NPNT: variants seen among roughly 807,000 people sequenced by gnomAD.
The protein encoded by NPNT is nephronectin.
Under a neutral mutation model 68.6 loss-of-function variants are expected in NPNT, and 45 were observed. The ratio of observed to expected loss-of-function variants is 0.66; its 90% CI spans 0.52 to 0.84. NPNT has a LOEUF of 0.84. NPNT is among the 40% of genes least tolerant of loss of function. The pLI is 0.00. For synonymous variants in NPNT, 233 were observed against 253.3 expected (o/e 0.92, Z 0.76); for missense variants, 672 against 714.8 (o/e 0.94, Z 0.68).
chr4:105,932,777 A>G lies in NPNT; in HGVS notation c.266-4232A>G, dbSNP rs141481236. 433 of 1,069,130 alleles carry G rather than the reference A, an allele frequency of 4.1e-4. 1 individual carries two copies. In the African/African-American group the frequency reaches 5.5e-3, roughly 14 times the overall value. 66.2% of individuals were successfully genotyped at this position (1,069,130 alleles called of 1,614,324 possible). On this transcript the variant is annotated intron_variant, in intron 3 of 11. Transcript: ENST00000379987. ...TCCTGCAGTTATGTCACTTCTTGCA[A>G]ATGTTCTGAAGACTAGCCCAGGAGT...
At chr4:105,946,876 T>C (rs1730430045) in intron 8 of NPNT, among the ~76,000 whole-genome samples, 1 of 152,152 alleles carries the variant, frequency 6.6e-6, no homozygotes, top group South Asian at 2.1e-4. Context: ...GAAAACAGGT[T>C]CGAGAGCAGA....
Position 105,970,731 on chromosome 4 carries a change from A to AC in NPNT, c.*1744dup, listed in dbSNP as rs1732505663. 4.9e-6 allele frequency: 2 copies of AC among 404,154 alleles called. No homozygotes were observed. 25.0% of individuals were successfully genotyped at this position (404,154 alleles called of 1,614,324 possible). A position where few individuals can be genotyped will look rare whatever the true frequency, so the allele number is the denominator to read the frequency against. ...ATTTAAGATGGTTAAAGATGTTCTT[A>AC]CCCAAGGAAAAGTAACAAATTATAG... On this transcript the variant is annotated 3_prime_UTR_variant, in exon 12 of 12. Coordinates refer to ENST00000379987, the MANE Select transcript of NPNT (RefSeq NM_001033047.3).
rs374390793 is a variant in NPNT at position 105,915,736 on chromosome 4, C to T, written c.173-11600C>T. Among the ~76,000 whole-genome samples the T allele has an allele frequency of 2.9e-4, 44 of 152,228 alleles. 2 individuals are homozygous for T. The East Asian group carries it at 4.1e-3, about 14-fold the overall frequency. On this transcript the variant is annotated intron_variant, in intron 2 of 11. Coordinates refer to ENST00000379987, the MANE Select transcript of NPNT (RefSeq NM_001033047.3). ...AATTTTGGATATGTTCAGTTTGAAG[C>T]GCTTGTGAGACTTTGAAGTAGAGAA...
At position 105,942,470 on chromosome 4, in the gene NPNT, G is replaced by C. The variant is rs1467938999; in HGVS notation, c.927G>C (p.Arg309Ser). Reference protein sequence around the residue: ...TPYIPPIITNRPTSKPTTRPT... With the variant: ...TPYIPPIITNSPTSKPTTRPT... ...ATATTCCTCCTATCATTACCAACAG[G>C]CCTACTTCTAAGCCAACAACAAGAC... The change falls in exon 8 of 12, where the codon AGG becomes AGC. Residue 309 changes from arginine to serine, a missense_variant. Arg to Ser is a moderately radical substitution (Grantham distance 110, BLOSUM62 -1). Transcript: ENST00000379987. 2 of 1,612,692 alleles carry C rather than the reference G, an allele frequency of 1.2e-6. No individual in the cohort carries two copies. Among genetic ancestry groups the C allele is most frequent in the African/African-American group, 2.7e-5 (2 of 74,458 alleles).
chr4:105,905,396 C>G (rs1726807374), intron 2 of NPNT, among the ~76,000 whole-genome samples: 1 of 152,186 alleles, frequency 6.6e-6, no homozygotes. Flanking sequence ...TTCCTGTTTT[C>G]CTGACACCTA....
intron 2 of NPNT, among the ~76,000 whole-genome samples, chr4:105,910,261 G>T (rs28477749): frequency 1.0e-3 from 158 of 152,234 alleles, no homozygotes; most frequent in African/African-American, 3.8e-3. Flanking sequence ...TTCCAACCAC[G>T]TATAGTAAAG....
At chr4:105,932,797 A>T in intron 3 of NPNT, 1 of 834,972 alleles carries the variant, frequency 1.2e-6, no homozygotes, top group Non-Finnish European at 1.9e-6. Flanking sequence ...AGACTAGCCC[A>T]GGAGTGTCCA....
At position 105,967,444 on chromosome 4, in the gene NPNT, C is replaced by T. The variant is rs140949446; in HGVS notation, c.1602C>T (p.Ser534=). The T allele has an allele frequency of 3.6e-3, 5,553 of 1,560,614 alleles. 10 individuals carry two copies. Among genetic ancestry groups the T allele is most frequent in the Non-Finnish European group, 4.3e-3 (5,001 of 1,156,718 alleles). ...QITLRGADIK[S]VVFKGEKRRG... Reference sequence around the variant, plus strand: ...CCTTGCGAGGGGCTGACATCAAGAGCGTAAGTAGATCCACAAAGGAGGCAG... The same window carrying T: ...CCTTGCGAGGGGCTGACATCAAGAGTGTAAGTAGATCCACAAAGGAGGCAG... The change falls in exon 11 of 12, where the codon AGC becomes AGT. Residue 534 remains serine (S), a splice_region_variant and synonymous_variant. Coordinates refer to ENST00000379987, the MANE Select transcript of NPNT (RefSeq NM_001033047.3).
chr4:105,908,992 A>G (rs1438041174), intron 2 of NPNT, among the ~76,000 whole-genome samples: 1 of 152,144 alleles, frequency 6.6e-6, no homozygotes, highest in Admixed American at 6.5e-5. Context: ...TAAACTTCCC[A>G]CCAAAATATT....
intron 3 of NPNT, among the ~76,000 whole-genome samples, chr4:105,927,856 G>A (rs189137750): frequency 2.7e-3 from 416 of 152,078 alleles, no homozygotes; most frequent in Non-Finnish European, 4.3e-3. Flanking sequence ...CCTTCGATTC[G>A]TGATTAAATC....
intron 3 of NPNT, among the ~76,000 whole-genome samples, chr4:105,936,219 A>G (rs572797475): frequency 6.6e-6 from 1 of 152,218 alleles, no homozygotes; most frequent in African/African-American, 2.4e-5. Context: ...TTTGTCCATT[A>G]GTGTTTCCAT....
intron 8 of NPNT, among the ~76,000 whole-genome samples, chr4:105,952,279 G>T (rs1730895112): frequency 6.6e-6 from 1 of 152,108 alleles, no homozygotes; most frequent in Admixed American, 6.6e-5. Flanking sequence ...TGAGCTGTTA[G>T]GTGCACAGAG....
intron 8 of NPNT, 57 bp from the exon 9 acceptor site, chr4:105,958,414 C>G (rs1731406374): frequency 2.0e-6 from 2 of 1,012,596 alleles, no homozygotes; most frequent in Non-Finnish European, 3.1e-6. Flanking sequence ...GGTAATGCCT[C>G]TTTATCAATA....
chr4:105,915,864 G>C (rs977002145), intron 2 of NPNT, among the ~76,000 whole-genome samples: 1 of 151,750 alleles, frequency 6.6e-6, no homozygotes, highest in Non-Finnish European at 1.5e-5. Flanking sequence ...CTTTTCCTTC[G>C]TCAACTTCAG....
chr4:105,958,790 T>G (rs1212839839), intron 9 of NPNT: 14 of 539,894 alleles, frequency 2.6e-5, no homozygotes, highest in Non-Finnish European at 4.0e-5. Context: ...TCATATTTTA[T>G]AAGTGATGAT....
chr4:105,954,414 T>C (rs753329963), intron 8 of NPNT, among the ~76,000 whole-genome samples: 11 of 152,210 alleles, frequency 7.2e-5, no homozygotes, highest in Non-Finnish European at 1.3e-4. Flanking sequence ...TTGATGTTAA[T>C]TTTAGTCATA....
intron 2 of NPNT, among the ~76,000 whole-genome samples, chr4:105,908,319 A>G (rs1335807480): frequency 6.6e-6 from 1 of 152,058 alleles, no homozygotes. Context: ...CATTTGATCA[A>G]TATCTTTTTA....
intron 2 of NPNT, among the ~76,000 whole-genome samples, chr4:105,920,139 G>A (rs115306102): frequency 0.014 from 2,192 of 151,618 alleles, 27 homozygotes; most frequent in Non-Finnish European, 0.024. Flanking sequence ...AATAACTACC[G>A]TTATTCTTCT....
At position 105,966,940 on chromosome 4, in the gene NPNT, G is replaced by T. The variant is rs538943911; in HGVS notation, c.1346-248G>T. 2.6e-5 allele frequency among the ~76,000 whole-genome samples: 4 copies of T among 152,150 alleles called. No homozygotes were observed. In the South Asian group the frequency reaches 8.3e-4, roughly 32 times the overall value. On this transcript the variant is annotated intron_variant, in intron 10 of 11. Transcript: ENST00000379987. ...CCACTGGAAATATTCATAGTGTTTG[G>T]TTACTAATTATTGTGTGTCTCTGGC...
Sources: gnomAD v4.1 joint callset for allele counts (sites outside exome capture counted in the v4.1 genomes callset) on GRCh38, gnomAD v4.1.1 for gene constraint, MANE v1.5 for transcripts, NCBI Gene and HGNC (gene_info 2026-07-23, HGNC 2026-07-21) for gene names.